UNC45A: variants seen among roughly 807,000 people sequenced by gnomAD.
UNC45A encodes protein unc-45 homolog A.
UNC45A carries 78 observed loss-of-function variants against 103.2 expected under a neutral mutation model. That is an observed-to-expected ratio of 0.76 (90% CI 0.63 to 0.91). The LOEUF (loss-of-function observed/expected upper bound fraction) is 0.91, where lower values mean the gene tolerates loss of function less well. Among genes scored for constraint, UNC45A ranks in the 40% least tolerant of loss-of-function variants. The pLI, the probability that UNC45A is intolerant of heterozygous loss-of-function variation, is 0.00. For synonymous variants in UNC45A, 495 were observed against 504.6 expected (o/e 0.98, Z 0.25); for missense variants, 1,193 against 1,224.8 (o/e 0.97, Z 0.39).
At chr15:90,934,281 A>G, upstream of UNC45A, 2 of 398,934 alleles carry the variant, frequency 5.0e-6, no homozygotes, top group Non-Finnish European at 8.8e-6. Context: ...GTAGGGGTGG[A>G]GTGAGCTGTG....
upstream of UNC45A, chr15:90,934,693 G>T: frequency 2.5e-6 from 1 of 398,282 alleles, no homozygotes; most frequent in Non-Finnish European, 4.4e-6. Flanking sequence ...TGTAGATCAT[G>T]ATTACAATTA....
Position 90,935,641 on chromosome 15 carries a change from T to C in UNC45A, c.149T>C (p.Leu50Pro). Residue 50 changes from leucine to proline, a missense_variant, in exon 2 of 20, where the codon CTG (leucine) becomes CCG (proline). Coordinates refer to ENST00000418476, the MANE Select transcript of UNC45A (RefSeq NM_018671.5). ...ALAAYTQALG[L>P]DATPQDQAVL... is the part of the protein sequence containing the mutation. ...GCGGCCTACACTCAGGCCCTGGGTCTGGACGCGACGCCCCAGGACCAGGCC... is the reference window on the plus strand; with the variant it reads ...GCGGCCTACACTCAGGCCCTGGGTCCGGACGCGACGCCCCAGGACCAGGCC... 1 of 1,611,854 alleles carries C rather than the reference T, an allele frequency of 6.2e-7. No individual in the cohort carries two copies. The highest frequency in any genetic ancestry group is 8.5e-7 in the Non-Finnish European group (1 of 1,179,104).
At position 90,949,857 on chromosome 15, in the gene UNC45A, G is replaced by A; in HGVS notation, c.2073+137G>A. The A allele has an allele frequency of 3.1e-6, 3 of 968,464 alleles. No individual in the cohort carries two copies. The South Asian group carries it at 4.4e-5, about 14-fold the overall frequency. 60.0% of individuals were successfully genotyped at this position (968,464 alleles called of 1,614,324 possible). A position where few individuals can be genotyped will look rare whatever the true frequency, so the allele number is the denominator to read the frequency against. On this transcript the variant is annotated intron_variant, in intron 15 of 19. Transcript: ENST00000418476. ...ATGGCCAGAGGAACACCGTCCCGCT[G>A]AGAGAGTGACGCGGAAGCAGGCAAG...
At position 90,949,322 on chromosome 15, in the gene UNC45A, C is replaced by T. The variant is rs977110248; in HGVS notation, c.1885C>T (p.Pro629Ser). The T allele has an allele frequency of 1.2e-6, 2 of 1,611,738 alleles. No individual in the cohort carries two copies. The highest frequency in any genetic ancestry group is 1.7e-6 in the Non-Finnish European group (2 of 1,179,936). The change falls in exon 14 of 20, where the codon CCA becomes TCA. Residue 629 changes from proline to serine, a missense_variant. Coordinates refer to ENST00000418476, the MANE Select transcript of UNC45A (RefSeq NM_018671.5). ...AAGCTGCCTCCTCCCCCAGGACAAGCCAAGCTTCGTGCGGGCTCGGGTGAA... is the reference window on the plus strand; with the variant it reads ...AAGCTGCCTCCTCCCCCAGGACAAGTCAAGCTTCGTGCGGGCTCGGGTGAA... ...HVPEQHPKDKPSFVRARVKKL... is the reference protein window; with the variant it reads ...HVPEQHPKDKSSFVRARVKKL...
intron 1 of UNC45A, 43 bp downstream of exon 1, chr15:90,935,418 C>T (rs1481699102): frequency 3.2e-6 from 5 of 1,583,570 alleles, no homozygotes; most frequent in Non-Finnish European, 3.4e-6. Flanking sequence ...CGCACCCGCC[C>T]TGACCATCCC....
At chr15:90,937,532 A>C (rs530982340) in intron 4 of UNC45A, among the ~76,000 whole-genome samples, 10 of 149,250 alleles carry the variant, frequency 6.7e-5, no homozygotes, top group African/African-American at 2.5e-4. Flanking sequence ...TGTCGCCCAC[A>C]CTGGAGTGCA....
At chr15:90,931,459 T>C, upstream of UNC45A, 1 of 1,613,762 alleles carries the variant, frequency 6.2e-7, no homozygotes, top group Non-Finnish European at 8.5e-7. Context: ...AAGCACTGCC[T>C]TTTCCCCACT....
Position 90,949,688 on chromosome 15 carries a change from C to T in UNC45A, c.2041C>T (p.Arg681Ter), listed in dbSNP as rs781776939. The change falls in exon 15 of 20, where the codon CGA becomes TGA. Residue 681 changes from arginine to a stop codon, truncating the protein, a stop_gained. Transcript: ENST00000418476. LOFTEE classifies it high-confidence loss of function. The part of the protein sequence containing the change: ...FLALVEEVED[R>*]GTVVAQGGGR... The stretch of plus-strand genomic sequence containing the variant: ...GGCTTTAGTGGAAGAGGTAGAGGAC[C>T]GAGGCACTGTGGTTGCCCAGGGAGG... 33 of 1,614,030 alleles carry T rather than the reference C, an allele frequency of 2.0e-5. No homozygotes were observed. The highest frequency in any genetic ancestry group is 6.6e-5 in the South Asian group (6 of 91,082).
chr15:90,948,836 G>A (rs1469571544), intron 13 of UNC45A, 42 bp downstream of exon 13: 1 of 1,539,066 alleles, frequency 6.5e-7, no homozygotes, highest in Non-Finnish European at 8.8e-7. Flanking sequence ...CCCACCATGG[G>A]GACAGCTAAC....
At position 90,939,833 on chromosome 15, in the gene UNC45A, C is replaced by G. The variant is rs1311783491; in HGVS notation, c.519+10C>G. ...TGAGAAAAAGCAAAAGGTATAGGCC[C>G]TGGGCTGAGTCAGTGAGTGAGCTCC... is the stretch of plus-strand genomic sequence containing the variant. On this transcript the variant is annotated intron_variant, in intron 5 of 19. Transcript: ENST00000418476. 7 of 1,613,214 alleles carry G rather than the reference C, an allele frequency of 4.3e-6. No homozygotes were observed. The South Asian group carries it at 4.4e-5, about 10-fold the overall frequency.
chr15:90,935,307 C>T lies in UNC45A; in HGVS notation c.-18C>T. 1 of 1,598,912 alleles carries T rather than the reference C, an allele frequency of 6.3e-7. No homozygotes were observed. The stretch of plus-strand genomic sequence containing the variant: ...CCCAGAGACTGCGCCTGCGCGGGCA[C>T]GAGACAACCTCTCCGCGATGACTGT... On this transcript the variant is annotated 5_prime_UTR_variant, in exon 1 of 20. The change creates a new upstream start codon in the 5' untranslated region. Transcript: ENST00000418476.
At chr15:90,949,977 C>T (rs7173521) in intron 15 of UNC45A, 177 bp from the exon 16 acceptor site, 32,960 of 684,862 alleles carry the variant, frequency 0.048, 1,648 homozygotes, top group African/African-American at 0.2. Context: ...TCAGCACAAT[C>T]CATGTCCAGC....
upstream of UNC45A, chr15:90,932,447 A>AG (rs1243174424): frequency 1.5e-6 from 2 of 1,358,956 alleles, no homozygotes; most frequent in Admixed American, 3.4e-5. Flanking sequence ...TGGTTGATGT[A>AG]GGGGGTCCCC....
chr15:90,935,797 C>G, intron 2 of UNC45A, 92 bp downstream of exon 2: 1 of 1,526,142 alleles, frequency 6.6e-7, no homozygotes, highest in South Asian at 1.3e-5. Flanking sequence ...CATTCACGCT[C>G]CCAGGCCATC....
chr15:90,951,528 T>C (rs2036912042), intron 17 of UNC45A, among the ~76,000 whole-genome samples: 3 of 152,092 alleles, frequency 2.0e-5, no homozygotes. Flanking sequence ...TTTGGGAGGA[T>C]GAGGCAGGAG....
intron 15 of UNC45A, 165 bp from the exon 16 acceptor site, chr15:90,949,989 C>A: frequency 1.4e-6 from 1 of 704,136 alleles, no homozygotes. Flanking sequence ...ATGTCCAGCC[C>A]TTATTAGGTG....
intron 13 of UNC45A, 92 bp downstream of exon 13, chr15:90,948,886 T>C: frequency 2.1e-6 from 3 of 1,408,608 alleles, no homozygotes; most frequent in Non-Finnish European, 2.8e-6. Context: ...TTTTTTTTTT[T>C]TTTTTTTTTT....
intron 6 of UNC45A, among the ~76,000 whole-genome samples, chr15:90,941,551 T>G (rs2036288664): frequency 1.3e-5 from 2 of 152,186 alleles, no homozygotes. Context: ...CCTCCTGCCT[T>G]CCGGTCCATT....
chr15:90,953,612 G>T lies in UNC45A; in HGVS notation c.2731G>T (p.Val911Leu). The change falls in exon 20 of 20, where the codon GTG (valine) becomes TTG (leucine). Residue 911 changes from valine to leucine, a missense_variant. By Grantham distance (32) the Val-to-Leu change is conservative. Transcript: ENST00000418476. ...GAGTGAGATGATGGAGATCTTGTCA[G>T]TGCTAGCTAAGGGTGACCACAGCCC... ...MESEMMEILSVLAKGDHSPVT... is the reference protein window; with the variant it reads ...MESEMMEILSLLAKGDHSPVT... 2.5e-6 allele frequency: 4 copies of T among 1,614,162 alleles called. No individual in the cohort carries two copies. Among genetic ancestry groups the T allele is most frequent in the Non-Finnish European group, 3.4e-6 (4 of 1,180,040 alleles).
Sources: allele counts gnomAD v4.1 joint callset (sites outside exome capture counted in the v4.1 genomes callset), GRCh38; gene constraint gnomAD v4.1.1; transcripts MANE v1.5; gene names NCBI Gene and HGNC (gene_info 2026-07-23, HGNC 2026-07-21).